Variants in SGMS2 observed in about 807,000 individuals in gnomAD.
SGMS2 encodes sphingomyelin synthase 2.
In SGMS2, 21 loss-of-function variants were observed where a neutral mutation model predicts 43.8. The ratio of observed to expected loss-of-function variants is 0.48; its 90% CI spans 0.34 to 0.69. SGMS2 has a LOEUF of 0.69. SGMS2 is among the 30% of genes least tolerant of loss of function. The probability of loss-of-function intolerance (pLI) is 0.01; values close to 1 mark genes in which losing one functional copy is unlikely to be tolerated. For missense variants in SGMS2, 384 were observed against 443.2 expected (o/e 0.87, Z 1.20); for synonymous variants, 167 against 160.6 (o/e 1.04, Z -0.30).
intron 1 of SGMS2, among the ~76,000 whole-genome samples, chr4:107,848,639 T>C (rs1013712582): frequency 4.6e-5 from 7 of 152,184 alleles, no homozygotes; most frequent in African/African-American, 1.7e-4. Flanking sequence ...TTGTTTTAAA[T>C]TGCAAATCCC....
At chr4:107,898,713 A>G (rs540737097) in intron 3 of SGMS2, among the ~76,000 whole-genome samples, 7 of 152,254 alleles carry the variant, frequency 4.6e-5, no homozygotes, top group Admixed American at 3.3e-4. Context: ...CCATGAGGCA[A>G]TGGTACAGTG....
intron 1 of SGMS2, among the ~76,000 whole-genome samples, chr4:107,844,084 A>G (rs1395983848): frequency 6.6e-6 from 1 of 152,082 alleles, no homozygotes; most frequent in Non-Finnish European, 1.5e-5. Context: ...GCACTTTGGG[A>G]GGCCAAGACA....
At chr4:107,892,497 T>C (rs1006725249) in intron 2 of SGMS2, among the ~76,000 whole-genome samples, 1 of 152,086 alleles carries the variant, frequency 6.6e-6, no homozygotes, top group South Asian at 2.1e-4. Context: ...TCAGTTAATT[T>C]AGAAAGTTTA....
At position 107,903,331 on chromosome 4, in the gene SGMS2, C is replaced by T. The variant is rs1353912861; in HGVS notation, c.672C>T (p.Phe224=). 1.9e-6 allele frequency: 3 copies of T among 1,613,894 alleles called. No individual in the cohort carries two copies. In the South Asian group the frequency reaches 3.3e-5, roughly 18 times the overall value. Residue 224 remains phenylalanine (F), a synonymous_variant, in exon 5 of 7, where the codon TTC becomes TTT. Coordinates refer to ENST00000690982, the MANE Select transcript of SGMS2 (RefSeq NM_001375905.1). ...GATCACATATCTTATGTGGAGACTT[C>T]CTCTTCAGCGGTCACACGGTTACGC... is the stretch of plus-strand genomic sequence containing the variant. ...ITGSHILCGD[F]LFSGHTVTLT...
chr4:107,849,372 A>T (rs1207050339), intron 1 of SGMS2, among the ~76,000 whole-genome samples: 1 of 152,206 alleles, frequency 6.6e-6, no homozygotes, highest in Non-Finnish European at 1.5e-5. Context: ...AAATGTAGCT[A>T]GTGTGACTGA....
chr4:107,861,554 T>G (rs1727731556), intron 2 of SGMS2, among the ~76,000 whole-genome samples: 2 of 152,212 alleles, frequency 1.3e-5, no homozygotes, highest in Admixed American at 6.5e-5. Context: ...CACTAGTAAT[T>G]GCAGCCTACA....
Position 107,913,775 on chromosome 4 carries a change from GTTTTGTTTACT to G in SGMS2, c.*3225_*3235del, listed in dbSNP as rs1444690538. The stretch of plus-strand genomic sequence containing the variant: ...AGTGTCTCCCTTTATAACGACCTAT[GTTTTGTTTACT>G]TTGAAACACCAAATTTGTTGTCTTG... On this transcript the variant is annotated 3_prime_UTR_variant, in exon 7 of 7. Transcript: ENST00000690982. 1.3e-5 allele frequency: 2 copies of G among 152,032 alleles called. No homozygotes were observed. The highest frequency in any genetic ancestry group is 4.8e-5 in the African/African-American group (2 of 41,422). The allele number at this position is 152,032 out of a possible 1,614,324, so 9.4% of individuals were successfully genotyped here. A position where few individuals can be genotyped will look rare whatever the true frequency, so the allele number is the denominator to read the frequency against.
intron 4 of SGMS2, among the ~76,000 whole-genome samples, 186 bp downstream of exon 4, chr4:107,899,878 T>TA (rs925418922): frequency 5.3e-5 from 8 of 152,102 alleles, no homozygotes; most frequent in Non-Finnish European, 1.0e-4. Flanking sequence ...CCTTTTGTGC[T>TA]AAAAAAATGT....
At chr4:107,849,488 T>G (rs1220314260) in intron 1 of SGMS2, among the ~76,000 whole-genome samples, 1 of 152,116 alleles carries the variant, frequency 6.6e-6, no homozygotes, top group Non-Finnish European at 1.5e-5. Flanking sequence ...TCAGAACAAA[T>G]TTGAGAGACT....
chr4:107,836,490 G>A (rs915887869), intron 1 of SGMS2, among the ~76,000 whole-genome samples: 1 of 152,132 alleles, frequency 6.6e-6, no homozygotes, highest in Admixed American at 6.6e-5. Flanking sequence ...AAATGTGCCT[G>A]GGCCTATAAA....
chr4:107,871,492 C>A (rs1276064635), intron 2 of SGMS2, among the ~76,000 whole-genome samples: 3 of 151,938 alleles, frequency 2.0e-5, no homozygotes, highest in African/African-American at 7.3e-5. Context: ...GTTACTGAAT[C>A]AAAAATGCCT....
At chr4:107,906,135 A>G (rs910557837) in intron 5 of SGMS2, among the ~76,000 whole-genome samples, 1 of 152,188 alleles carries the variant, frequency 6.6e-6, no homozygotes, top group Non-Finnish European at 1.5e-5. Flanking sequence ...CTGAGTAAGC[A>G]GTGGTTCCAG....
At chr4:107,876,105 A>C (rs1728896408) in intron 2 of SGMS2, among the ~76,000 whole-genome samples, 1 of 152,204 alleles carries the variant, frequency 6.6e-6, no homozygotes, top group Non-Finnish European at 1.5e-5. Flanking sequence ...TAAACCTCTC[A>C]GGCTGTATTA....
intron 1 of SGMS2, among the ~76,000 whole-genome samples, chr4:107,850,022 G>T (rs1443139859): frequency 1.3e-5 from 2 of 152,162 alleles, no homozygotes; most frequent in Non-Finnish European, 2.9e-5. Context: ...GATCATGGTG[G>T]TTGATTTCTC....
Position 107,903,361 on chromosome 4 carries a change from A to G in SGMS2, c.702A>G (p.Thr234=), listed in dbSNP as rs34019321. 8.7e-6 allele frequency: 14 copies of G among 1,613,844 alleles called. No homozygotes were observed. Among genetic ancestry groups the G allele is most frequent in the Non-Finnish European group, 1.2e-5 (14 of 1,179,884 alleles). ...TCAGCGGTCACACGGTTACGCTGAC[A>G]CTGACTTATTTGTTCATCAAAGAAT... ...FLFSGHTVTL[T]LTYLFIKEYS... is the part of the protein sequence containing the mutation. Residue 234 remains threonine, a synonymous_variant, in exon 5 of 7, where the codon ACA becomes ACG. Transcript: ENST00000690982.
chr4:107,840,881 C>A (rs531752949), intron 1 of SGMS2, among the ~76,000 whole-genome samples: 132 of 152,264 alleles, frequency 8.7e-4, no homozygotes, highest in African/African-American at 3.1e-3. Flanking sequence ...CACTCTTCAA[C>A]ATGTCAGCAG....
At position 107,910,645 on chromosome 4, in the gene SGMS2, G is replaced by A. The variant is rs1222403536; in HGVS notation, c.*92G>A. 5 of 1,258,232 alleles carry A rather than the reference G, an allele frequency of 4.0e-6. No individual in the cohort carries two copies. In the African/African-American group the frequency reaches 6.1e-5, roughly 15 times the overall value. 77.9% of individuals were successfully genotyped at this position (1,258,232 alleles called of 1,614,324 possible). On this transcript the variant is annotated 3_prime_UTR_variant, in exon 7 of 7. Transcript: ENST00000690982. ...GTTTTTTATTTTAGGAGAACTGACT[G>A]GTAAATGAAGAAATGGACCAAATTT...
intron 2 of SGMS2, among the ~76,000 whole-genome samples, chr4:107,862,205 TG>T (rs1194462324): frequency 2.0e-5 from 3 of 152,222 alleles, no homozygotes; most frequent in Non-Finnish European, 4.4e-5. Flanking sequence ...AGAATGTATA[TG>T]GAATGCAAGC....
chr4:107,848,188 G>A, intron 1 of SGMS2, among the ~76,000 whole-genome samples: 1 of 152,026 alleles, frequency 6.6e-6, no homozygotes, highest in East Asian at 1.9e-4. Flanking sequence ...TTTCAGATTG[G>A]CTTCTTTCAT....
Sources: allele counts gnomAD v4.1 joint callset (sites outside exome capture counted in the v4.1 genomes callset), GRCh38; gene constraint gnomAD v4.1.1; transcripts MANE v1.5; gene names NCBI Gene and HGNC (gene_info 2026-07-23, HGNC 2026-07-21).